The following DCAF1 variants were observed in gnomAD, a reference collection of about 807,000 sequenced individuals.
DCAF1 encodes DDB1- and CUL4-associated factor 1.
DCAF1 carries 15 observed loss-of-function variants against 128.0 expected under a neutral mutation model. The observed-to-expected ratio is 0.12, with a 90% CI of 0.08 to 0.18. The LOEUF is 0.18. Ranked by LOEUF, DCAF1 falls within the 10% of genes least tolerant of loss-of-function variation. The pLI, the probability that DCAF1 is intolerant of heterozygous loss-of-function variation, is 1.00. For missense variants in DCAF1, 988 were observed against 1,649.5 expected (o/e 0.60, Z 6.95); for synonymous variants, 610 against 603.0 (o/e 1.01, Z -0.17).
intron 3 of DCAF1, among the ~76,000 whole-genome samples, chr3:51,476,521 C>T (rs1450118963): frequency 1.6e-5 from 1 of 63,442 alleles, no homozygotes; most frequent in African/African-American, 6.2e-5. Context: ...AATGGTCTTA[C>T]AAAAAAAAAA....
intron 12 of DCAF1, 45 bp from the exon 13 acceptor site, chr3:51,427,586 A>G: frequency 2.0e-6 from 1 of 512,674 alleles, no homozygotes; most frequent in Middle Eastern, 4.3e-4. Context: ...ATAACTCTAC[A>G]TCTGCCTACT....
intron 7 of DCAF1, 114 bp from the exon 8 acceptor site, chr3:51,442,011 C>T (rs1701404793): frequency 7.3e-7 from 1 of 1,366,376 alleles, no homozygotes; most frequent in South Asian, 1.5e-5. Context: ...AGCCCAACGC[C>T]TGTAATAGCA....
At chr3:51,470,820 T>G in intron 4 of DCAF1, 109 bp downstream of exon 4, 1 of 653,096 alleles carries the variant, frequency 1.5e-6, no homozygotes, top group Non-Finnish European at 2.4e-6. Context: ...TTCAAAAATT[T>G]TCCCATAAGC....
At chr3:51,469,097 T>C (rs1213631209) in intron 4 of DCAF1, among the ~76,000 whole-genome samples, 1 of 152,126 alleles carries the variant, frequency 6.6e-6, no homozygotes, top group African/African-American at 2.4e-5. Flanking sequence ...CAATTTGAAA[T>C]GCCTAGCTTA....
rs1553639322 is a variant in DCAF1, at chr3:51,443,070, TAAA to T, written c.513+693_513+695del. The stretch of plus-strand genomic sequence containing the variant: ...CATCCTGCAGAAGTACCCCAGAACT[TAAA>T]ATAAAATTTGATGGGGGGGAGGGAA... On this transcript the variant is annotated intron_variant, in intron 7 of 24. Transcript: ENST00000684031. Among the ~76,000 whole-genome samples the T allele has an allele frequency of 4.1e-4, 62 of 152,154 alleles. No homozygotes were observed. The South Asian group carries it at 4.4e-3, about 11-fold the overall frequency.
At chr3:51,504,227 G>T (rs1347578415), upstream of DCAF1, among the ~76,000 whole-genome samples, 1 of 151,802 alleles carries the variant, frequency 6.6e-6, no homozygotes, top group African/African-American at 2.4e-5. Flanking sequence ...TAGTAAAGAC[G>T]GGGTTTCACT....
intron 20 of DCAF1, among the ~76,000 whole-genome samples, chr3:51,413,609 T>C (rs782430202): frequency 2.0e-5 from 3 of 152,248 alleles, no homozygotes; most frequent in Non-Finnish European, 2.9e-5. Context: ...GCCTCTCATC[T>C]ACCTCCAAGA....
At chr3:51,411,163 G>GA (rs1268364026) in intron 23 of DCAF1, among the ~76,000 whole-genome samples, 8,600 of 58,776 alleles carry the variant, frequency 0.15, 725 homozygotes, top group East Asian at 0.45. Flanking sequence ...CTCCATCTCA[G>GA]AAAAAAAAAA....
chr3:51,479,790 C>G (rs1184637226), intron 3 of DCAF1, among the ~76,000 whole-genome samples: 1 of 151,648 alleles, frequency 6.6e-6, no homozygotes, highest in Non-Finnish European at 1.5e-5. Context: ...AGCGAGACTC[C>G]GTCTCAAAAA....
chr3:51,406,342 CAA>C (rs782324969), intron 23 of DCAF1, among the ~76,000 whole-genome samples: 15 of 48,214 alleles, frequency 3.1e-4, no homozygotes, highest in African/African-American at 8.6e-4. Flanking sequence ...GACTCTGTCT[CAA>C]AAAAAAAAAA....
chr3:51,440,009 A>G lies in DCAF1; in HGVS notation c.1128+961T>C, dbSNP rs557877085. ...TCCATCTCAAAAAAGAAAAAAAGAA[A>G]AAATTGTTGTTAGCTGATACAGGTA... On this transcript the variant is annotated intron_variant, in intron 9 of 24. Transcript: ENST00000684031. Among the ~76,000 whole-genome samples, 21 of 151,838 alleles carry G rather than the reference A, an allele frequency of 1.4e-4. No homozygotes were observed. The East Asian group carries it at 3.9e-3, about 28-fold the overall frequency.
chr3:51,418,899 C>T, intron 15 of DCAF1, 23 bp from the exon 16 acceptor site: 1 of 1,580,234 alleles, frequency 6.3e-7, no homozygotes, highest in Non-Finnish European at 8.6e-7. Context: ...AAGAGAGAAT[C>T]ACAGGCAAAG....
At chr3:51,472,075 A>T (rs1451118849) in intron 3 of DCAF1, among the ~76,000 whole-genome samples, 1 of 152,050 alleles carries the variant, frequency 6.6e-6, no homozygotes, top group Non-Finnish European at 1.5e-5. Flanking sequence ...ATCTGATGCA[A>T]TTCATTCTCC....
chr3:51,421,477 G>C (rs782815042), intron 14 of DCAF1, among the ~76,000 whole-genome samples: 3 of 152,080 alleles, frequency 2.0e-5, no homozygotes, highest in Admixed American at 6.6e-5. Flanking sequence ...GTCTGGTCTG[G>C]AACTCCTGAC....
intron 3 of DCAF1, among the ~76,000 whole-genome samples, chr3:51,477,155 G>C (rs782457607): frequency 5.9e-5 from 9 of 151,886 alleles, no homozygotes; most frequent in Non-Finnish European, 1.3e-4. Context: ...TCAAGTCAAA[G>C]GCTAATAAAA....
chr3:51,444,469 G>C (rs1212434146), intron 6 of DCAF1, among the ~76,000 whole-genome samples: 3 of 151,916 alleles, frequency 2.0e-5, no homozygotes, highest in African/African-American at 7.3e-5. Context: ...TCCTGCCTCA[G>C]CCTCCTGAAT....
the DCAF1 span, among the ~76,000 whole-genome samples, chr3:51,505,384 C>G: frequency 6.6e-6 from 1 of 152,120 alleles, no homozygotes; most frequent in African/African-American, 2.4e-5. Flanking sequence ...CCCACCACAC[C>G]AACCGAAGTA....
chr3:51,396,551 T>C (rs1553623033), downstream of DCAF1: 1 of 167,078 alleles, frequency 6.0e-6, no homozygotes, highest in Non-Finnish European at 1.5e-5. Context: ...TCAGGCCCTG[T>C]CTAAGGTGTT....
intron 5 of DCAF1, among the ~76,000 whole-genome samples, chr3:51,466,058 AG>A (rs372659853): frequency 5.7e-4 from 86 of 151,540 alleles, no homozygotes; most frequent in African/African-American, 2.0e-3. Flanking sequence ...AAAATAAGGC[AG>A]GTGTGGTTGG....
Sources: gnomAD v4.1 joint callset for allele counts (sites outside exome capture counted in the v4.1 genomes callset) on GRCh38, gnomAD v4.1.1 for gene constraint, MANE v1.5 for transcripts, NCBI Gene and HGNC (gene_info 2026-07-23, HGNC 2026-07-21) for gene names.